AS3MT: variants seen among roughly 807,000 people sequenced by gnomAD.
AS3MT encodes S-adenosyl-L-methionine:arsenic(III) methyltransferase.
Under a neutral mutation model 45.3 loss-of-function variants are expected in AS3MT, and 47 were observed. The ratio of observed to expected loss-of-function variants is 1.04; its 90% CI spans 0.82 to 1.32. The LOEUF (loss-of-function observed/expected upper bound fraction) is 1.32. AS3MT is among the 40% of genes most tolerant of loss of function. The pLI is 0.00. For synonymous variants in AS3MT, 141 were observed against 152.8 expected (o/e 0.92, Z 0.57); for missense variants, 396 against 451.1 (o/e 0.88, Z 1.11).
At chr10:102,875,654 A>G (rs1035629286) in intron 6 of AS3MT, among the ~76,000 whole-genome samples, 2 of 150,614 alleles carry the variant, frequency 1.3e-5, no homozygotes, top group African/African-American at 4.9e-5. Context: ...ATGGAGTCTC[A>G]CTCTGCTGTC....
In AS3MT at chr10:102,887,505, T is replaced by C. The variant is rs77777527; in HGVS notation, c.886-3039T>C. On this transcript the variant is annotated intron_variant, in intron 9 of 10. Transcript: ENST00000369880. The stretch of plus-strand genomic sequence containing the variant: ...TGCTTTATATACTTTGGAGCTCCAA[T>C]GTTGAGTGCAAAGATACTTATATCT... Among the ~76,000 whole-genome samples the C allele has an allele frequency of 2.8e-4, 42 of 152,286 alleles. 2 individuals are homozygous for C. In the East Asian group the frequency reaches 8.1e-3, roughly 29 times the overall value.
intron 10 of AS3MT, 140 bp from the exon 11 acceptor site, chr10:102,900,453 G>T: frequency 1.7e-6 from 1 of 598,436 alleles, no homozygotes; most frequent in South Asian, 2.2e-5. Flanking sequence ...AATGACTGAT[G>T]TTACTCCCAG....
chr10:102,870,983 G>A (rs1267139473), intron 3 of AS3MT, among the ~76,000 whole-genome samples: 1 of 152,134 alleles, frequency 6.6e-6, no homozygotes. Flanking sequence ...GGTGGCTCAC[G>A]TCCGTCATCC....
intron 9 of AS3MT, among the ~76,000 whole-genome samples, chr10:102,883,605 C>T (rs902978728): frequency 1.3e-5 from 2 of 151,792 alleles, no homozygotes; most frequent in Non-Finnish European, 2.9e-5. Flanking sequence ...CCCAGCTACT[C>T]GAGAGGCTAA....
chr10:102,869,738 T>C, intron 1 of AS3MT, 67 bp from the exon 2 acceptor site: 1 of 1,612,186 alleles, frequency 6.2e-7, no homozygotes, highest in Admixed American at 1.7e-5. Context: ...TGCCCTTTAC[T>C]GGCCCCCTCC....
chr10:102,885,348 A>C (rs1844931858), intron 9 of AS3MT, among the ~76,000 whole-genome samples: 1 of 150,946 alleles, frequency 6.6e-6, no homozygotes, highest in South Asian at 2.1e-4. Flanking sequence ...TATTTTTTTG[A>C]GACAGAGTCT....
chr10:102,872,644 A>G (rs749709556), intron 4 of AS3MT, 46 bp downstream of exon 4: 15 of 1,558,810 alleles, frequency 9.6e-6, no homozygotes, highest in South Asian at 6.0e-5. Flanking sequence ...TCTCAAAAGC[A>G]TTATTTGAAA....
At chr10:102,890,091 C>T (rs1288764060) in intron 9 of AS3MT, among the ~76,000 whole-genome samples, 2 of 151,466 alleles carry the variant, frequency 1.3e-5, no homozygotes, top group Non-Finnish European at 2.9e-5. Flanking sequence ...AGCTCCACCT[C>T]CCGGGTTCAC....
chr10:102,889,885 C>A (rs1282194488), intron 9 of AS3MT, among the ~76,000 whole-genome samples: 2 of 151,990 alleles, frequency 1.3e-5, no homozygotes, highest in African/African-American at 4.8e-5. Flanking sequence ...ACCATATTGG[C>A]CAGGCTGGTC....
chr10:102,896,744 G>A (rs1017971407), intron 10 of AS3MT, among the ~76,000 whole-genome samples: 3 of 151,250 alleles, frequency 2.0e-5, no homozygotes, highest in Non-Finnish European at 2.9e-5. Context: ...GAGGGGCGGA[G>A]GTTGCAGTGA....
intron 9 of AS3MT, among the ~76,000 whole-genome samples, chr10:102,884,576 C>T (rs1844918298): frequency 6.6e-6 from 1 of 151,486 alleles, no homozygotes; most frequent in Non-Finnish European, 1.5e-5. Flanking sequence ...GATGGAATCT[C>T]ACTCTTGTCG....
chr10:102,890,314 A>C (rs1431391455), intron 9 of AS3MT, among the ~76,000 whole-genome samples: 4 of 151,980 alleles, frequency 2.6e-5, no homozygotes, highest in Admixed American at 1.3e-4. Flanking sequence ...TTTTCTTTAG[A>C]TATATACCCA....
intron 10 of AS3MT, among the ~76,000 whole-genome samples, chr10:102,899,785 A>G (rs1358837329): frequency 1.3e-5 from 2 of 150,728 alleles, no homozygotes; most frequent in East Asian, 3.9e-4. Flanking sequence ...CTCTTGCCTC[A>G]GCCTCCCGAG....
At position 102,900,696 on chromosome 10, in the gene AS3MT, G is replaced by A. The variant is rs1845256028; in HGVS notation, c.1124G>A (p.Cys375Tyr). Residue 375 changes from cysteine to tyrosine, a missense_variant, in exon 11 of 11, where the codon TGC (cysteine) becomes TAC (tyrosine). Physicochemically the swap from Cys to Tyr is radical, Grantham distance 194. Coordinates refer to ENST00000369880, the MANE Select transcript of AS3MT (RefSeq NM_020682.4). ...AGGCCGTKKS[C>Y] ...GGCTGCTGTGGCACAAAGAAAAGCTGCTAAATCTATAGCCAACCAGGGGAC... is the reference window on the plus strand; with the variant it reads ...GGCTGCTGTGGCACAAAGAAAAGCTACTAAATCTATAGCCAACCAGGGGAC... The A allele has an allele frequency of 6.2e-7, 1 of 1,613,386 alleles. No individual in the cohort carries two copies. The highest frequency in any genetic ancestry group is 8.5e-7 in the Non-Finnish European group (1 of 1,179,482).
rs1363223825 is a variant in AS3MT at position 102,870,172 on chromosome 10, G to A, written c.131G>A (p.Arg44Gln). ...GCCAGGCCGGTCCCCAAGCACATCC[G>A]GGAAGCCTTGCAAAATGTACACGAA... ...TTARPVPKHIREALQNVHEEV... is the reference protein window; with the variant it reads ...TTARPVPKHIQEALQNVHEEV... Residue 44 changes from arginine to glutamine, a missense_variant, in exon 3 of 11, where the codon CGG becomes CAG. Physicochemically the swap from Arg to Gln is conservative, Grantham distance 43. Coordinates refer to ENST00000369880, the MANE Select transcript of AS3MT (RefSeq NM_020682.4). 3.7e-5 allele frequency: 60 copies of A among 1,614,034 alleles called. No homozygotes were observed. Among genetic ancestry groups the A allele is most frequent in the Non-Finnish European group, 5.0e-5 (59 of 1,180,044 alleles).
At chr10:102,871,420 G>T (rs12773892) in intron 3 of AS3MT, among the ~76,000 whole-genome samples, 19,770 of 151,068 alleles carry the variant, frequency 0.13, 1,299 homozygotes, top group Middle Eastern at 0.21. Context: ...GGCGGCACGC[G>T]CCTGTAGTTC....
intron 3 of AS3MT, 77 bp from the exon 4 acceptor site, chr10:102,872,371 A>G: frequency 2.1e-6 from 3 of 1,449,632 alleles, no homozygotes; most frequent in Non-Finnish European, 2.9e-6. Context: ...GGGAGGGAGG[A>G]GGGAAGTATG....
chr10:102,888,868 TATATATATA>T (rs1564794467), intron 9 of AS3MT, among the ~76,000 whole-genome samples: 18 of 98,864 alleles, frequency 1.8e-4, no homozygotes, highest in East Asian at 3.1e-4. Flanking sequence ...TATATATATA[TATATATATA>T]TATATTTTTT....
Position 102,874,592 on chromosome 10 carries a change from A to C in AS3MT, c.459A>C (p.Val153=). The C allele has an allele frequency of 6.3e-7, 1 of 1,599,202 alleles. No homozygotes were observed. The highest frequency in any genetic ancestry group is 8.5e-7 in the Non-Finnish European group (1 of 1,170,670). The stretch of plus-strand genomic sequence containing the variant: ...CGACATTTCATCTGTTCTCTTTTAG[A>C]TCAAACTGTGTTATTAACCTTGTGC... ...GIKNESHDIV[V]SNCVINLVPD... Residue 153 remains valine (V), a splice_region_variant and synonymous_variant, in exon 6 of 11, where the codon GTA becomes GTC. Transcript: ENST00000369880.
Sources: gnomAD v4.1 joint callset for allele counts (sites outside exome capture counted in the v4.1 genomes callset) on GRCh38, gnomAD v4.1.1 for gene constraint, MANE v1.5 for transcripts, NCBI Gene and HGNC (gene_info 2026-07-23, HGNC 2026-07-21) for gene names.